MYH11: variants seen among roughly 807,000 people sequenced by gnomAD.
The protein encoded by MYH11 is myosin-11.
A neutral mutation model predicts 246.6 loss-of-function variants in MYH11; 80 were observed. The observed-to-expected ratio is 0.32, with a 90% confidence interval of 0.27 to 0.39. The LOEUF (loss-of-function observed/expected upper bound fraction) is 0.39. Among genes scored for constraint, MYH11 ranks in the 10% least tolerant of loss-of-function variants. The pLI is 1.00. For missense variants in MYH11, 2,158 were observed against 2,546.8 expected (o/e 0.85, Z 3.29); for synonymous variants, 1,071 against 1,015.5 (o/e 1.05, Z -1.04).
intron 14 of MYH11, among the ~76,000 whole-genome samples, chr16:15,755,101 A>C (rs140348359): frequency 6.6e-6 from 1 of 152,346 alleles, no homozygotes; most frequent in African/African-American, 2.4e-5. Context: ...TTACAATAAC[A>C]AGCTGTGGGC....
At chr16:15,819,763 G>A (rs746728412) in intron 3 of MYH11, among the ~76,000 whole-genome samples, 2 of 152,100 alleles carry the variant, frequency 1.3e-5, no homozygotes, top group Non-Finnish European at 2.9e-5. Context: ...TCTCCCCTGC[G>A]GTCCATGGAA....
intron 5 of MYH11, chr16:15,784,859 A>T (rs564489625): frequency 1.3e-3 from 1,089 of 847,094 alleles, no homozygotes; most frequent in Non-Finnish European, 1.5e-3. Flanking sequence ...CTTTTCCTTG[A>T]TACTGTTTCT....
At chr16:15,796,282 A>C (rs1461965345) in intron 4 of MYH11, among the ~76,000 whole-genome samples, 1 of 152,220 alleles carries the variant, frequency 6.6e-6, no homozygotes, top group Non-Finnish European at 1.5e-5. Context: ...TGCTCATCAC[A>C]AAGTTCTTTT....
At chr16:15,794,805 A>C (rs1293159467) in intron 4 of MYH11, among the ~76,000 whole-genome samples, 1 of 152,158 alleles carries the variant, frequency 6.6e-6, no homozygotes, top group Non-Finnish European at 1.5e-5. Flanking sequence ...AAGGGAGGGA[A>C]ATGCTGGGCC....
intron 4 of MYH11, among the ~76,000 whole-genome samples, chr16:15,788,251 T>C (rs1476232748): frequency 1.3e-5 from 2 of 151,824 alleles, no homozygotes; most frequent in African/African-American, 4.8e-5. Context: ...ATCGTCTTCT[T>C]CTATTTTTCA....
At chr16:15,708,924 C>T (rs985739584) in intron 40 of MYH11, 11 of 1,354,142 alleles carry the variant, frequency 8.1e-6, no homozygotes, top group South Asian at 3.7e-5. Flanking sequence ...TTGTTAAAGA[C>T]ATTTGCTTCG....
intron 3 of MYH11, among the ~76,000 whole-genome samples, chr16:15,812,943 G>A (rs1434908712): frequency 6.6e-6 from 1 of 152,186 alleles, no homozygotes; most frequent in African/African-American, 2.4e-5. Context: ...AAGGTGGGTG[G>A]ATCACCTGAG....
chr16:15,804,476 C>T (rs954360619), intron 3 of MYH11, among the ~76,000 whole-genome samples: 1 of 152,024 alleles, frequency 6.6e-6, no homozygotes, highest in African/African-American at 2.4e-5. Flanking sequence ...GAGCTGAGAT[C>T]GCGCCACTGC....
intron 4 of MYH11, 121 bp from the exon 5 acceptor site, chr16:15,786,853 C>T: frequency 1.0e-6 from 1 of 964,498 alleles, no homozygotes; most frequent in Non-Finnish European, 1.6e-6. Flanking sequence ...AACAGAGGCT[C>T]CCAGAGGGGA....
chr16:15,719,696 A>C lies in MYH11; in HGVS notation c.4971T>G (p.Phe1657Leu), dbSNP rs751344814. ...CACGGGCATCTTCCAGCTCTCTTTG[A>C]AAGTCCTTCATCTGAGCCTGCATGA... ...LRKLQAQMKD[F>L]QRELEDARAS... Residue 1657 changes from phenylalanine (F) to leucine (L), a missense_variant, in exon 35 of 41, where the codon TTT (phenylalanine) becomes TTG (leucine). Coordinates refer to ENST00000300036, the MANE Select transcript of MYH11 (RefSeq NM_002474.3). 6.2e-7 allele frequency: 1 copy of C among 1,614,114 alleles called. No individual in the cohort carries two copies. Among genetic ancestry groups the C allele is most frequent in the South Asian group, 1.1e-5 (1 of 91,078 alleles).
At chr16:15,856,187 T>C (rs749980973) in intron 1 of MYH11, among the ~76,000 whole-genome samples, 7 of 150,210 alleles carry the variant, frequency 4.7e-5, no homozygotes, top group Non-Finnish European at 1.0e-4. Context: ...CCTGGGTATC[T>C]GGGGGCCCTT....
At chr16:15,782,888 TCTTCAAGTTAAACCACTACAAGCCTC>T (rs1316153711) in intron 5 of MYH11, 1 of 180,486 alleles carries the variant, frequency 5.5e-6, no homozygotes, top group Non-Finnish European at 1.2e-5. Context: ...CAAGCAGCCT[TCTTCAAGTTAAACCACTACAAGCCTC>T]CTTCTAATTA....
Position 15,786,728 on chromosome 16 carries a change from C to G in MYH11, c.535G>C (p.Glu179Gln). The G allele has an allele frequency of 6.2e-7, 1 of 1,613,866 alleles. No homozygotes were observed. The highest frequency in any genetic ancestry group is 8.5e-7 in the Non-Finnish European group (1 of 1,179,958). Residue 179 changes from glutamate (E) to glutamine (Q), a missense_variant, in exon 5 of 41, where the codon GAG (glutamate) becomes CAG (glutamine). This residue lies in a region of MYH11 where 123 missense variants were observed against 207.1 expected (regional missense o/e 0.59). Coordinates refer to ENST00000300036, the MANE Select transcript of MYH11 (RefSeq NM_002474.3). Reference protein sequence around the residue: ...REDQSILCTGESGAGKTENTK... With the variant: ...REDQSILCTGQSGAGKTENTK... ...TTTTCGGTTTTCCCGGCTCCAGACT[C>G]GCCTCTGAAAGACACGGGAACATCA...
At chr16:15,819,193 G>C (rs141015423) in intron 3 of MYH11, among the ~76,000 whole-genome samples, 351 of 152,274 alleles carry the variant, frequency 2.3e-3, no homozygotes, top group African/African-American at 6.3e-3. Flanking sequence ...TTTCCTATTG[G>C]AGCTTACTAT....
intron 10 of MYH11, 55 bp downstream of exon 10, chr16:15,763,741 T>TCGGGGCC: frequency 1.1e-5 from 7 of 646,856 alleles, no homozygotes; most frequent in East Asian, 3.2e-5. Flanking sequence ...AAATGTCACC[T>TCGGGGCC]CCCCCACCCC....
intron 3 of MYH11, among the ~76,000 whole-genome samples, chr16:15,818,831 A>G (rs1392508025): frequency 1.3e-5 from 2 of 152,182 alleles, no homozygotes; most frequent in African/African-American, 4.8e-5. Flanking sequence ...TTAACATTTA[A>G]ATTAAGTAAA....
chr16:15,708,733 A>C, intron 40 of MYH11: 1 of 1,495,700 alleles, frequency 6.7e-7, no homozygotes, highest in Non-Finnish European at 9.2e-7. Context: ...GGGTGGGCAG[A>C]GGGGCGCATT....
In MYH11 at chr16:15,748,128, C is replaced by T. The variant is rs376758800; in HGVS notation, c.2099G>A (p.Arg700Gln). 2.7e-5 allele frequency: 44 copies of T among 1,613,948 alleles called. No individual in the cohort carries two copies. The highest frequency in any genetic ancestry group is 1.4e-4 in the South Asian group (13 of 91,090). The change falls in exon 17 of 41, where the codon CGG (arginine) becomes CAG (glutamine). Residue 700 changes from arginine (R) to glutamine (Q), a missense_variant. Arg to Gln is a conservative substitution (Grantham distance 43). Around this residue, in one of 11 missense-constraint regions of MYH11, gnomAD observed 317 missense variants for 507.7 expected, o/e 0.62. Transcript: ENST00000300036. ...AATGCCTTCCAGCACCCCATTGCAC[C>T]GCAGCTGCTCCAGCACCAGGAACGC... ...LDAFLVLEQLRCNGVLEGIRI... is the reference protein window; with the variant it reads ...LDAFLVLEQLQCNGVLEGIRI...
At chr16:15,706,983 G>A (rs2039490319) in intron 40 of MYH11, among the ~76,000 whole-genome samples, 1 of 152,130 alleles carries the variant, frequency 6.6e-6, no homozygotes, top group South Asian at 2.1e-4. Flanking sequence ...AACTATACCT[G>A]TTACAGGAAC....
Sources: allele counts gnomAD v4.1 joint callset (sites outside exome capture counted in the v4.1 genomes callset), GRCh38; gene constraint gnomAD v4.1.1; regional missense constraint gnomAD v4.1.1; transcripts MANE v1.5; gene names NCBI Gene and HGNC (gene_info 2026-07-23, HGNC 2026-07-21).